JAZF1: variants seen among roughly 807,000 people sequenced by gnomAD.
The protein encoded by JAZF1 is JAZF zinc finger 1, also known as juxtaposed with another zinc finger protein 1.
In JAZF1, 8 loss-of-function variants were observed where a neutral mutation model predicts 26.4. That is an observed-to-expected ratio of 0.30 (90% CI 0.18 to 0.55). The LOEUF is 0.55. Ranked by LOEUF, JAZF1 falls within the 20% of genes least tolerant of loss-of-function variation. JAZF1 has a pLI of 0.94. For synonymous variants in JAZF1, 126 were observed against 122.3 expected (o/e 1.03, Z -0.20); for missense variants, 199 against 322.0 (o/e 0.62, Z 2.92).
intron 2 of JAZF1, among the ~76,000 whole-genome samples, chr7:27,895,871 C>A (rs1033842307): frequency 6.6e-6 from 1 of 152,132 alleles, no homozygotes; most frequent in African/African-American, 2.4e-5. Flanking sequence ...ACATAAATGG[C>A]CTCATGAAAA....
intron 1 of JAZF1, among the ~76,000 whole-genome samples, chr7:28,175,496 A>T (rs1783535971): frequency 2.0e-5 from 3 of 152,170 alleles, no homozygotes; most frequent in Admixed American, 2.0e-4. Context: ...ATCCTCACTA[A>T]CCACTCCGTG....
At chr7:28,000,651 T>C (rs1467565766) in intron 1 of JAZF1, among the ~76,000 whole-genome samples, 3 of 143,872 alleles carry the variant, frequency 2.1e-5, no homozygotes, top group Non-Finnish European at 4.5e-5. Context: ...GAGACAAGAG[T>C]CTCACTCTAT....
Position 27,929,936 on chromosome 7 carries a change from T to TTCTCTCTCTC in JAZF1, c.189-34530_189-34521dup, listed in dbSNP as rs112011020. Among the ~76,000 whole-genome samples the TTCTCTCTCTC allele has an allele frequency of 6.6e-3, 955 of 144,762 alleles. 6 individuals carry two copies. The highest frequency in any genetic ancestry group is 8.3e-3 in the South Asian group (37 of 4,454). 95.0% of individuals were successfully genotyped at this position (144,762 alleles called of 152,430 possible). ...TATCCCTTCCTCCATATTTTCTGCA[T>TTCTCTCTCTC]TCTCTCTCTCTCTCTCTCTCTCTCC... On this transcript the variant is annotated intron_variant, in intron 2 of 4. Transcript: ENST00000283928.
At chr7:28,009,510 GT>G (rs1782761875) in intron 1 of JAZF1, among the ~76,000 whole-genome samples, 1 of 148,898 alleles carries the variant, frequency 6.7e-6, no homozygotes, top group Non-Finnish European at 1.5e-5. Flanking sequence ...TTGAGACAGA[GT>G]CTCGCTCTGT....
Position 28,086,353 on chromosome 7 carries a change from C to T in JAZF1, c.115+94110G>A, listed in dbSNP as rs536622655. On this transcript the variant is annotated intron_variant, in intron 1 of 4. Coordinates refer to ENST00000283928, the MANE Select transcript of JAZF1 (RefSeq NM_175061.4). ...TGTTTCCGTTTCATTTGGGGAGGTG[C>T]ATTCCAATCTGCCCAAATTAAAGAG... Among the ~76,000 whole-genome samples, 17 of 152,306 alleles carry T rather than the reference C, an allele frequency of 1.1e-4. No homozygotes were observed. The East Asian group carries it at 2.9e-3, about 26-fold the overall frequency.
chr7:27,974,916 G>A (rs555120188), intron 2 of JAZF1, among the ~76,000 whole-genome samples: 4 of 147,086 alleles, frequency 2.7e-5, no homozygotes, highest in Admixed American at 1.4e-4. Flanking sequence ...ATGGAGTCTC[G>A]CCTCTGTCAC....
At chr7:28,079,292 C>T (rs543422256) in intron 1 of JAZF1, among the ~76,000 whole-genome samples, 1 of 152,262 alleles carries the variant, frequency 6.6e-6, no homozygotes, top group East Asian at 1.9e-4. Context: ...CCACACCCGG[C>T]CATGCGCATA....
intron 3 of JAZF1, among the ~76,000 whole-genome samples, chr7:27,871,289 C>A (rs990182803): frequency 2.6e-5 from 4 of 152,174 alleles, no homozygotes; most frequent in African/African-American, 9.7e-5. Context: ...TGCTGTGTGC[C>A]AACGGGGTTG....
At chr7:28,051,470 C>T (rs1298375218) in intron 1 of JAZF1, among the ~76,000 whole-genome samples, 3 of 151,944 alleles carry the variant, frequency 2.0e-5, no homozygotes, top group Non-Finnish European at 2.9e-5. Context: ...ACTCAGCCTC[C>T]CAAAGTGCTG....
chr7:27,860,069 A>G (rs1783351230), intron 3 of JAZF1, among the ~76,000 whole-genome samples: 1 of 152,204 alleles, frequency 6.6e-6, no homozygotes, highest in South Asian at 2.1e-4. Flanking sequence ...CCCACTACCA[A>G]GAGGACCATT....
chr7:27,897,195 C>T (rs1361926179), intron 2 of JAZF1, among the ~76,000 whole-genome samples: 2 of 152,278 alleles, frequency 1.3e-5, no homozygotes, highest in East Asian at 3.9e-4. Context: ...CAGGCTGCTG[C>T]TTCCAGGAAG....
chr7:28,083,951 GACA>G (rs1426706646), intron 1 of JAZF1, among the ~76,000 whole-genome samples: 1 of 152,058 alleles, frequency 6.6e-6, no homozygotes, highest in South Asian at 2.1e-4. Flanking sequence ...TACATTTTAT[GACA>G]ACAAGTCTAA....
chr7:27,934,065 A>C (rs1457332178), intron 2 of JAZF1, among the ~76,000 whole-genome samples: 1 of 152,212 alleles, frequency 6.6e-6, no homozygotes, highest in Non-Finnish European at 1.5e-5. Context: ...AAATTGAAAG[A>C]GTATGAGCTG....
chr7:27,908,913 T>G (rs1378203323), intron 2 of JAZF1, among the ~76,000 whole-genome samples: 5 of 152,220 alleles, frequency 3.3e-5, no homozygotes, highest in African/African-American at 1.2e-4. Flanking sequence ...TATTGACAAG[T>G]TTAGTTTTCC....
At chr7:28,125,394 A>G (rs1213557451) in intron 1 of JAZF1, among the ~76,000 whole-genome samples, 1 of 152,234 alleles carries the variant, frequency 6.6e-6, no homozygotes, top group Non-Finnish European at 1.5e-5. Flanking sequence ...GTGCAGCACA[A>G]GCAGCTGAAT....
intron 1 of JAZF1, among the ~76,000 whole-genome samples, chr7:28,038,878 G>A (rs566309109): frequency 1.7e-3 from 254 of 152,264 alleles, no homozygotes; most frequent in African/African-American, 6.0e-3. Context: ...ATAAAGTATT[G>A]TACAAAAAAC....
chr7:28,002,452 T>A (rs1782619650), intron 1 of JAZF1, among the ~76,000 whole-genome samples: 1 of 152,212 alleles, frequency 6.6e-6, no homozygotes, highest in Non-Finnish European at 1.5e-5. Flanking sequence ...CAAGTCAAAC[T>A]GCCTCAATTC....
chr7:28,059,627 T>G (rs1395048641), intron 1 of JAZF1, among the ~76,000 whole-genome samples: 1 of 152,216 alleles, frequency 6.6e-6, no homozygotes, highest in Non-Finnish European at 1.5e-5. Flanking sequence ...ATCTCTTACC[T>G]TCTTCTCAAA....
chr7:27,998,924 A>G (rs1786076725), intron 1 of JAZF1, among the ~76,000 whole-genome samples: 1 of 152,190 alleles, frequency 6.6e-6, no homozygotes, highest in South Asian at 2.1e-4. Context: ...CAACTTTACC[A>G]ATCTATCCAG....
Sources: gnomAD v4.1 joint callset for allele counts (sites outside exome capture counted in the v4.1 genomes callset) on GRCh38, gnomAD v4.1.1 for gene constraint, MANE v1.5 for transcripts, NCBI Gene and HGNC (gene_info 2026-07-23, HGNC 2026-07-21) for gene names.